Variants in ATCAY observed in about 807,000 individuals in gnomAD.
ATCAY encodes the protein ATCAY kinesin light chain interacting caytaxin, also known as caytaxin.
In ATCAY, 22 loss-of-function variants were observed where a neutral mutation model predicts 47.7. The ratio of observed to expected loss-of-function variants is 0.46; its 90% CI spans 0.33 to 0.66. ATCAY has a LOEUF of 0.66. Among genes scored for constraint, ATCAY ranks in the 30% least tolerant of loss-of-function variants. The probability of loss-of-function intolerance (pLI) is 0.02; values close to 1 mark genes in which losing one functional copy is unlikely to be tolerated. For synonymous variants in ATCAY, 216 were observed against 207.6 expected (o/e 1.04, Z -0.35); for missense variants, 452 against 515.0 (o/e 0.88, Z 1.18).
chr19:3,910,691 G>A, intron 7 of ATCAY, 112 bp from the exon 8 acceptor site: 3 of 1,056,014 alleles, frequency 2.8e-6, no homozygotes, highest in Non-Finnish European at 4.3e-6. Context: ...GACCACACGT[G>A]GAATGAGCAG....
chr19:3,913,067 C>T (rs2145255625), intron 8 of ATCAY, among the ~76,000 whole-genome samples: 2 of 152,184 alleles, frequency 1.3e-5, no homozygotes, highest in South Asian at 4.2e-4. Flanking sequence ...GCAGGCAGAT[C>T]ACATGAGGTC....
intron 1 of ATCAY, among the ~76,000 whole-genome samples, chr19:3,883,007 A>G (rs2038615473): frequency 6.6e-6 from 1 of 150,972 alleles, no homozygotes; most frequent in Admixed American, 6.7e-5. Flanking sequence ...CTGGTCTCGA[A>G]CCCCTGGTCT....
At chr19:3,894,256 G>A (rs903225898) in intron 2 of ATCAY, among the ~76,000 whole-genome samples, 4 of 151,860 alleles carry the variant, frequency 2.6e-5, no homozygotes, top group South Asian at 2.1e-4. Context: ...AGGCCGAGGC[G>A]GGCAGGTCAC....
At chr19:3,911,803 G>A (rs151001610) in intron 8 of ATCAY, among the ~76,000 whole-genome samples, 37 of 152,186 alleles carry the variant, frequency 2.4e-4, no homozygotes, top group Admixed American at 2.6e-4. Flanking sequence ...TGGGATGAGC[G>A]AAAGAGACGA....
chr19:3,913,964 C>T (rs1354728190), intron 9 of ATCAY, 108 bp downstream of exon 9: 8 of 951,820 alleles, frequency 8.4e-6, no homozygotes, highest in African/African-American at 1.6e-5. Context: ...GGGCCGGGCG[C>T]GGTGGCTCCT....
intron 2 of ATCAY, among the ~76,000 whole-genome samples, chr19:3,890,894 C>T (rs533182340): frequency 6.6e-6 from 1 of 152,168 alleles, no homozygotes. Flanking sequence ...GCAGGTCCAG[C>T]TGCGGCCACA....
At chr19:3,908,556 T>A (rs1321536369) in intron 6 of ATCAY, among the ~76,000 whole-genome samples, 186 bp downstream of exon 6, 2 of 151,776 alleles carry the variant, frequency 1.3e-5, no homozygotes, top group East Asian at 3.9e-4. Context: ...GCCTTCCCTC[T>A]GGGCCACCCT....
At chr19:3,917,400 T>C (rs2038974851) in intron 9 of ATCAY, among the ~76,000 whole-genome samples, 1 of 151,460 alleles carries the variant, frequency 6.6e-6, no homozygotes, top group African/African-American at 2.4e-5. Flanking sequence ...CAGGCCAACA[T>C]AGGGAAACCC....
intron 7 of ATCAY, among the ~76,000 whole-genome samples, chr19:3,909,824 C>T (rs995550484): frequency 3.3e-5 from 5 of 152,098 alleles, no homozygotes; most frequent in African/African-American, 1.2e-4. Flanking sequence ...GGGGCTCACA[C>T]CTCTAATCCC....
intron 1 of ATCAY, among the ~76,000 whole-genome samples, chr19:3,883,481 G>A (rs2038621135): frequency 6.6e-6 from 1 of 152,144 alleles, no homozygotes; most frequent in Non-Finnish European, 1.5e-5. Context: ...CGCAAACACG[G>A]GAATGCACAC....
At chr19:3,891,533 C>T (rs763779804) in intron 2 of ATCAY, among the ~76,000 whole-genome samples, 3 of 151,898 alleles carry the variant, frequency 2.0e-5, no homozygotes, top group Non-Finnish European at 4.4e-5. Flanking sequence ...GTTCATGGCA[C>T]TTCTGACCAG....
At chr19:3,893,162 G>T (rs2038733613) in intron 2 of ATCAY, among the ~76,000 whole-genome samples, 1 of 143,256 alleles carries the variant, frequency 7.0e-6, no homozygotes, top group African/African-American at 2.5e-5. Flanking sequence ...CATGTGGGGG[G>T]GACCCCCACT....
intron 9 of ATCAY, among the ~76,000 whole-genome samples, chr19:3,914,256 A>G (rs2145257362): frequency 6.6e-6 from 1 of 150,850 alleles, no homozygotes; most frequent in South Asian, 2.1e-4. Context: ...AAAAAGGGCT[A>G]ACGGACTCAC....
At chr19:3,899,308 CTTTTTTTTTTT>C (rs146410703) in intron 2 of ATCAY, among the ~76,000 whole-genome samples, 2 of 106,954 alleles carry the variant, frequency 1.9e-5, no homozygotes, top group African/African-American at 7.4e-5. Flanking sequence ...GGGAATAAAT[CTTTTTTTTTTT>C]TTTTTTTTTT....
chr19:3,902,690 G>A (rs1438912885), intron 3 of ATCAY, 145 bp downstream of exon 3: 54 of 898,846 alleles, frequency 6.0e-5, no homozygotes, highest in East Asian at 8.2e-5. Context: ...GGAAGTGGCC[G>A]TGGTGGGTGA....
chr19:3,918,747 C>A (rs2038989818), intron 10 of ATCAY, 59 bp from the exon 11 acceptor site: 6 of 1,592,364 alleles, frequency 3.8e-6, no homozygotes, highest in Non-Finnish European at 4.3e-6. Flanking sequence ...TAGCTGAGAG[C>A]CCACCCCTTG....
chr19:3,908,172 G>A (rs939427261), intron 5 of ATCAY, 96 bp from the exon 6 acceptor site: 31 of 1,164,636 alleles, frequency 2.7e-5, no homozygotes, highest in East Asian at 2.3e-4. Context: ...ATGCCCTCCC[G>A]AGCGTGTGGG....
chr19:3,906,222 G>C (rs1397578757), intron 4 of ATCAY, among the ~76,000 whole-genome samples: 2 of 150,980 alleles, frequency 1.3e-5, no homozygotes, highest in African/African-American at 2.4e-5. Context: ...CCAACATACA[G>C]TTAGACAGAA....
intron 3 of ATCAY, 86 bp from the exon 4 acceptor site, chr19:3,905,348 G>A: frequency 7.4e-7 from 1 of 1,349,644 alleles, no homozygotes; most frequent in Non-Finnish European, 1.0e-6. Flanking sequence ...CCTGCATGAT[G>A]AAACAGCTTC....
Sources: gnomAD v4.1 joint callset for allele counts (sites outside exome capture counted in the v4.1 genomes callset) on GRCh38, gnomAD v4.1.1 for gene constraint, MANE v1.5 for transcripts, NCBI Gene and HGNC (gene_info 2026-07-23, HGNC 2026-07-21) for gene names.